PRKCA: variants seen among roughly 807,000 people sequenced by gnomAD.
PRKCA encodes the protein protein kinase C alpha, also known as protein kinase C alpha type.
A neutral mutation model predicts 87.0 loss-of-function variants in PRKCA; 27 were observed. The observed-to-expected ratio is 0.31, with a 90% confidence interval of 0.23 to 0.43. The LOEUF is 0.43. PRKCA is among the 20% of genes least tolerant of loss of function. The probability of loss-of-function intolerance (pLI) is 1.00; values close to 1 mark genes in which losing one functional copy is unlikely to be tolerated. For missense variants in PRKCA, 518 were observed against 852.3 expected (o/e 0.61, Z 4.88); for synonymous variants, 329 against 311.1 (o/e 1.06, Z -0.61).
chr17:66,604,112 G>A (rs917525615), intron 3 of PRKCA, among the ~76,000 whole-genome samples: 5 of 151,994 alleles, frequency 3.3e-5, no homozygotes, highest in East Asian at 1.9e-4. Context: ...CTTGGTGATC[G>A]CCTCTGGAAC....
At chr17:66,377,721 A>ATTTTT (rs1229084236) in intron 2 of PRKCA, among the ~76,000 whole-genome samples, 925 of 69,094 alleles carry the variant, frequency 0.013, 29 homozygotes, top group East Asian at 0.026. Context: ...ATATATATAT[A>ATTTTT]TTTTTTTTTT....
At chr17:66,768,913 T>C (rs1974870298) in intron 13 of PRKCA, among the ~76,000 whole-genome samples, 1 of 152,192 alleles carries the variant, frequency 6.6e-6, no homozygotes, top group Admixed American at 6.5e-5. Flanking sequence ...TAATGGATTT[T>C]TTTCCTTTGC....
At chr17:66,756,172 A>G (rs1030035637) in intron 13 of PRKCA, among the ~76,000 whole-genome samples, 3 of 152,172 alleles carry the variant, frequency 2.0e-5, no homozygotes, top group African/African-American at 7.2e-5. Context: ...GGGAGAGGAG[A>G]AAAGTAATAA....
chr17:66,564,160 G>C (rs35303835), intron 3 of PRKCA, among the ~76,000 whole-genome samples: 124,099 of 151,968 alleles, frequency 0.82, 51,230 homozygotes, highest in African/African-American at 0.95. Context: ...CTCTGTGCAG[G>C]CTCTGCCTCC....
At chr17:66,427,476 T>C (rs945334936) in intron 2 of PRKCA, among the ~76,000 whole-genome samples, 1 of 152,258 alleles carries the variant, frequency 6.6e-6, no homozygotes, top group Admixed American at 6.5e-5. Context: ...TGCTATCTGG[T>C]CTTTTAGAGA....
At chr17:66,541,220 G>T (rs1967974580) in intron 3 of PRKCA, among the ~76,000 whole-genome samples, 1 of 152,164 alleles carries the variant, frequency 6.6e-6, no homozygotes, top group Admixed American at 6.5e-5. Flanking sequence ...TTGATATGTT[G>T]TGTGCCGCTT....
chr17:66,781,115 T>C (rs1255885266), intron 14 of PRKCA, among the ~76,000 whole-genome samples: 1 of 152,010 alleles, frequency 6.6e-6, no homozygotes, highest in Non-Finnish European at 1.5e-5. Context: ...ATAAAAAATA[T>C]AAAAATAAAA....
chr17:66,561,512 A>G (rs1209687722), intron 3 of PRKCA, among the ~76,000 whole-genome samples: 1 of 152,186 alleles, frequency 6.6e-6, no homozygotes, highest in Non-Finnish European at 1.5e-5. Context: ...ACACCCAGGG[A>G]TAATTCCTGT....
intron 5 of PRKCA, among the ~76,000 whole-genome samples, chr17:66,647,817 C>A (rs1971495597): frequency 1.3e-5 from 2 of 152,126 alleles, no homozygotes; most frequent in Non-Finnish European, 2.9e-5. Context: ...TGAAAGCCAG[C>A]CAGTATTGCT....
intron 5 of PRKCA, among the ~76,000 whole-genome samples, chr17:66,660,730 AATAT>A (rs533787939): frequency 6.6e-6 from 1 of 151,506 alleles, no homozygotes; most frequent in Non-Finnish European, 1.5e-5. Flanking sequence ...TCTACTAAAA[AATAT>A]ATATATATAA....
At chr17:66,339,621 G>A (rs1023751935) in intron 2 of PRKCA, among the ~76,000 whole-genome samples, 2 of 152,072 alleles carry the variant, frequency 1.3e-5, no homozygotes, top group African/African-American at 4.8e-5. Flanking sequence ...TACTTGAGGG[G>A]AATTTAAAAA....
chr17:66,657,797 G>A (rs946082839), intron 5 of PRKCA, among the ~76,000 whole-genome samples: 4 of 151,846 alleles, frequency 2.6e-5, no homozygotes, highest in African/African-American at 9.7e-5. Flanking sequence ...ACCCCAATAT[G>A]GCAGGGACTC....
intron 2 of PRKCA, among the ~76,000 whole-genome samples, chr17:66,457,982 G>A (rs1220733001): frequency 6.6e-6 from 1 of 152,012 alleles, no homozygotes; most frequent in Admixed American, 6.6e-5. Flanking sequence ...ATCCTCATGG[G>A]CTCTTTTTGT....
chr17:66,749,979 ACCCCAGAGACTTCTCCTGG>A (rs1974393342), intron 13 of PRKCA, among the ~76,000 whole-genome samples: 1 of 152,078 alleles, frequency 6.6e-6, no homozygotes, highest in Admixed American at 6.5e-5. Flanking sequence ...GCCCCAGCTG[ACCCCAGAGACTTCTCCTGG>A]CCTCTGGGGA....
rs574912061 is a variant in PRKCA at position 66,804,125 on chromosome 17, C to T, written c.*88C>T. The T allele has an allele frequency of 6.0e-5, 90 of 1,500,914 alleles. No homozygotes were observed. Among genetic ancestry groups the T allele is most frequent in the East Asian group, 3.2e-4 (14 of 43,638 alleles). 93.0% of individuals were successfully genotyped at this position (1,500,914 alleles called of 1,614,324 possible). On this transcript the variant is annotated 3_prime_UTR_variant, in exon 17 of 17. Transcript: ENST00000413366. ...CCTTAACCCTAAAATTTTAAGGCCACGGCCTTGTGTCTGATTCCATATGGA... is the reference window on the plus strand; with the variant it reads ...CCTTAACCCTAAAATTTTAAGGCCATGGCCTTGTGTCTGATTCCATATGGA...
chr17:66,504,142 A>G (rs957000810), intron 3 of PRKCA, among the ~76,000 whole-genome samples: 5 of 152,166 alleles, frequency 3.3e-5, no homozygotes, highest in Non-Finnish European at 7.4e-5. Context: ...CTTCAGCCCC[A>G]AGTTTCATTA....
At chr17:66,646,783 G>T (rs779830683) in intron 5 of PRKCA, among the ~76,000 whole-genome samples, 4 of 152,112 alleles carry the variant, frequency 2.6e-5, no homozygotes, top group Non-Finnish European at 4.4e-5. Context: ...ACTCAGAGAA[G>T]AACAAAGGAT....
At chr17:66,714,321 C>T (rs1973419255) in intron 8 of PRKCA, among the ~76,000 whole-genome samples, 2 of 152,034 alleles carry the variant, frequency 1.3e-5, no homozygotes, top group Admixed American at 1.3e-4. Context: ...GGTGCAAATA[C>T]CATGTGTAAA....
intron 3 of PRKCA, among the ~76,000 whole-genome samples, chr17:66,526,105 T>C (rs1436573695): frequency 6.6e-6 from 1 of 152,228 alleles, no homozygotes; most frequent in African/African-American, 2.4e-5. Flanking sequence ...AAATCTGTTT[T>C]GATCAGTGGA....
Sources: gnomAD v4.1 joint callset for allele counts (sites outside exome capture counted in the v4.1 genomes callset) on GRCh38, gnomAD v4.1.1 for gene constraint, MANE v1.5 for transcripts, NCBI Gene and HGNC (gene_info 2026-07-23, HGNC 2026-07-21) for gene names.